Variants in CUL1 observed in about 807,000 individuals in gnomAD.
CUL1 encodes the protein cullin 1, also known as cullin-1.
A neutral mutation model predicts 118.0 loss-of-function variants in CUL1; 24 were observed. The ratio of observed to expected loss-of-function variants is 0.20; its 90% confidence interval spans 0.15 to 0.29. The LOEUF (loss-of-function observed/expected upper bound fraction) is 0.29, where lower values mean the gene tolerates loss of function less well. Ranked by LOEUF, CUL1 falls within the 10% of genes least tolerant of loss-of-function variation. The pLI is 1.00. For synonymous variants in CUL1, 332 were observed against 340.4 expected (o/e 0.98, Z 0.27); for missense variants, 361 against 933.8 (o/e 0.39, Z 7.99).
chr7:148,751,534 CAAAAAA>C (rs1166826975), intron 2 of CUL1, among the ~76,000 whole-genome samples: 3 of 65,672 alleles, frequency 4.6e-5, no homozygotes, highest in Admixed American at 1.6e-4. Context: ...GACTCTGTCT[CAAAAAA>C]AAAAAAAAAA....
intron 9 of CUL1, among the ~76,000 whole-genome samples, chr7:148,780,086 G>T (rs1800570460): frequency 6.7e-6 from 1 of 148,386 alleles, no homozygotes; most frequent in South Asian, 2.2e-4. Flanking sequence ...CCTTGTGATT[G>T]TGTAAGTTAA....
At chr7:148,732,972 G>A (rs1798812304) in intron 2 of CUL1, among the ~76,000 whole-genome samples, 1 of 151,968 alleles carries the variant, frequency 6.6e-6, no homozygotes, top group African/African-American at 2.4e-5. Context: ...GGCTACAGCT[G>A]TCAGGCTTTG....
chr7:148,748,390 A>G lies in CUL1; in HGVS notation c.141-5586A>G, dbSNP rs374062573. ...AAAATTCCAACCGAAAGGTATAATAATGTCAGATACAATAAGTTTCTAAGG... is the reference window on the plus strand; with the variant it reads ...AAAATTCCAACCGAAAGGTATAATAGTGTCAGATACAATAAGTTTCTAAGG... On this transcript the variant is annotated intron_variant, in intron 2 of 21. Coordinates refer to ENST00000325222, the MANE Select transcript of CUL1 (RefSeq NM_003592.3). 7.9e-5 allele frequency among the ~76,000 whole-genome samples: 12 copies of G among 152,366 alleles called. No homozygotes were observed. In the East Asian group the frequency reaches 1.9e-3, roughly 24 times the overall value.
At chr7:148,737,578 ATT>A (rs1563154809) in intron 2 of CUL1, among the ~76,000 whole-genome samples, 17 of 67,174 alleles carry the variant, frequency 2.5e-4, no homozygotes, top group African/African-American at 2.2e-3. Flanking sequence ...ATATTTTTAT[ATT>A]TATTTATTTA....
chr7:148,704,156 G>GCCC (rs111577198), intron 1 of CUL1, among the ~76,000 whole-genome samples: 1 of 135,910 alleles, frequency 7.4e-6, no homozygotes, highest in Non-Finnish European at 1.6e-5. Context: ...AACAAAAGCG[G>GCCC]CCCCCCCCCA....
chr7:148,727,920 G>A (rs1415929299), intron 1 of CUL1, among the ~76,000 whole-genome samples: 1 of 152,090 alleles, frequency 6.6e-6, no homozygotes, highest in African/African-American at 2.4e-5. Flanking sequence ...TGCTCTTAGG[G>A]TGACAGCCTA....
intron 1 of CUL1, among the ~76,000 whole-genome samples, chr7:148,713,706 CAT>C (rs1491538375): frequency 1.3e-5 from 2 of 152,026 alleles, no homozygotes; most frequent in East Asian, 1.9e-4. Flanking sequence ...ATTAAATTAG[CAT>C]GTGTGTGTAT....
At chr7:148,759,889 T>C (rs1240826098) in intron 6 of CUL1, among the ~76,000 whole-genome samples, 5 of 152,222 alleles carry the variant, frequency 3.3e-5, no homozygotes, top group African/African-American at 1.2e-4. Context: ...TTTTCTGGTC[T>C]CATAGTGAAT....
chr7:148,725,186 CATGCGCGCGTGT>C (rs1798520922), intron 1 of CUL1, among the ~76,000 whole-genome samples: 4 of 150,048 alleles, frequency 2.7e-5, no homozygotes, highest in South Asian at 2.1e-4. Context: ...ATGCAGCGCA[CATGCGCGCGTGT>C]ACACACACAC....
At chr7:148,701,265 G>A (rs1797714340) in intron 1 of CUL1, among the ~76,000 whole-genome samples, 2 of 152,052 alleles carry the variant, frequency 1.3e-5, no homozygotes, top group South Asian at 4.1e-4. Flanking sequence ...AAGAATTCAA[G>A]CTTTATTATA....
chr7:148,726,138 T>C (rs1004654873), intron 1 of CUL1, among the ~76,000 whole-genome samples: 12 of 152,188 alleles, frequency 7.9e-5, no homozygotes, highest in African/African-American at 2.9e-4. Context: ...AGATTAACAG[T>C]ACGTTTTAAT....
chr7:148,797,476 T>C (rs183077931), intron 17 of CUL1, among the ~76,000 whole-genome samples: 1 of 151,592 alleles, frequency 6.6e-6, no homozygotes, highest in Admixed American at 6.6e-5. Context: ...GTAAATCCAG[T>C]GCAGTATTCC....
intron 9 of CUL1, among the ~76,000 whole-genome samples, chr7:148,769,069 A>T (rs1800113374): frequency 6.6e-6 from 1 of 152,086 alleles, no homozygotes; most frequent in African/African-American, 2.4e-5. Context: ...CCGTGTGGTG[A>T]TTACAGAGCC....
intron 2 of CUL1, among the ~76,000 whole-genome samples, chr7:148,736,718 A>T (rs1413852935): frequency 6.6e-6 from 1 of 152,270 alleles, no homozygotes; most frequent in East Asian, 1.9e-4. Context: ...TATTTTAATA[A>T]TAGGAAACAA....
intron 11 of CUL1, among the ~76,000 whole-genome samples, chr7:148,784,708 A>C (rs1456379324): frequency 6.6e-6 from 1 of 152,206 alleles, no homozygotes; most frequent in Non-Finnish European, 1.5e-5. Context: ...AAGGAAGCTA[A>C]TCTCCTTCTG....
chr7:148,776,394 G>GCAACCTCCA (rs1426048435), intron 9 of CUL1, among the ~76,000 whole-genome samples: 1 of 131,568 alleles, frequency 7.6e-6, no homozygotes, highest in African/African-American at 2.9e-5. Context: ...TCGGCTCACT[G>GCAACCTCCA]CAACCTCCAC....
intron 1 of CUL1, among the ~76,000 whole-genome samples, chr7:148,706,947 C>G (rs571424043): frequency 7.9e-5 from 12 of 152,018 alleles, no homozygotes. Flanking sequence ...GTAGGAAATG[C>G]CAGGTGGCAT....
intron 9 of CUL1, among the ~76,000 whole-genome samples, chr7:148,771,730 CT>C (rs1368640633): frequency 6.6e-6 from 1 of 152,196 alleles, no homozygotes; most frequent in African/African-American, 2.4e-5. Context: ...TGGTTTCGAG[CT>C]GAGCAAGGGA....
chr7:148,725,219 G>GCGCGCGCGCA, intron 1 of CUL1, among the ~76,000 whole-genome samples: 1 of 140,060 alleles, frequency 7.1e-6, no homozygotes, highest in Admixed American at 7.1e-5. Context: ...ACACGCGCGC[G>GCGCGCGCGCA]CTCACACACA....
Sources: gnomAD v4.1 joint callset for allele counts (sites outside exome capture counted in the v4.1 genomes callset) on GRCh38, gnomAD v4.1.1 for gene constraint, MANE v1.5 for transcripts, NCBI Gene and HGNC (gene_info 2026-07-23, HGNC 2026-07-21) for gene names.